DENND1A: variants seen among roughly 807,000 people sequenced by gnomAD.
DENND1A encodes DENN domain containing 1A.
A neutral mutation model predicts 113.7 loss-of-function variants in DENND1A; 51 were observed. That is an observed-to-expected ratio of 0.45 (90% CI 0.36 to 0.57). DENND1A has a LOEUF of 0.57. Ranked by LOEUF, DENND1A falls within the 20% of genes least tolerant of loss-of-function variation. DENND1A has a pLI of 0.00. For synonymous variants in DENND1A, 565 were observed against 570.8 expected (o/e 0.99, Z 0.14); for missense variants, 1,258 against 1,395.9 (o/e 0.90, Z 1.57).
At chr9:123,445,020 G>A (rs2047197452) in intron 18 of DENND1A, among the ~76,000 whole-genome samples, 2 of 152,118 alleles carry the variant, frequency 1.3e-5, no homozygotes, top group Non-Finnish European at 1.5e-5. Context: ...CCCGTCCCTC[G>A]GTAAAGCAAG....
At chr9:123,500,572 T>C (rs2052386778) in intron 13 of DENND1A, among the ~76,000 whole-genome samples, 1 of 152,210 alleles carries the variant, frequency 6.6e-6, no homozygotes, top group African/African-American at 2.4e-5. Flanking sequence ...CTCTCTCAAA[T>C]GGAGTTAATC....
intron 19 of DENND1A, among the ~76,000 whole-genome samples, chr9:123,434,718 T>C (rs1236758915): frequency 6.6e-6 from 1 of 152,122 alleles, no homozygotes; most frequent in Non-Finnish European, 1.5e-5. Context: ...GGAGGCCTGC[T>C]CTGGGATTGG....
chr9:123,632,241 G>A (rs754907835), intron 9 of DENND1A, among the ~76,000 whole-genome samples: 1 of 151,898 alleles, frequency 6.6e-6, no homozygotes, highest in African/African-American at 2.4e-5. Context: ...CTTGAGCCAG[G>A]TCCATGCCAT....
intron 10 of DENND1A, among the ~76,000 whole-genome samples, chr9:123,620,511 T>C (rs911164158): frequency 2.0e-5 from 3 of 152,182 alleles, no homozygotes; most frequent in African/African-American, 7.2e-5. Flanking sequence ...GTCACATCTT[T>C]AGTAGGACCA....
chr9:123,451,193 G>C (rs898174811), intron 17 of DENND1A, among the ~76,000 whole-genome samples: 1 of 152,178 alleles, frequency 6.6e-6, no homozygotes, highest in African/African-American at 2.4e-5. Flanking sequence ...GGTTTCTACA[G>C]TGCCATTTCC....
chr9:123,453,951 G>T (rs750590449), intron 16 of DENND1A, among the ~76,000 whole-genome samples: 1 of 152,188 alleles, frequency 6.6e-6, no homozygotes, highest in Non-Finnish European at 1.5e-5. Flanking sequence ...CAAGTGCTGT[G>T]TTTGGCCATA....
chr9:123,524,737 GCTGT>G (rs1184019720), intron 13 of DENND1A, among the ~76,000 whole-genome samples: 1 of 152,220 alleles, frequency 6.6e-6, no homozygotes, highest in East Asian at 1.9e-4. Flanking sequence ...AACAGTTGAG[GCTGT>G]CTTTCAAGAG....
chr9:123,556,117 T>C (rs1200885072), intron 13 of DENND1A, among the ~76,000 whole-genome samples: 2 of 152,348 alleles, frequency 1.3e-5, no homozygotes, highest in East Asian at 1.9e-4. Flanking sequence ...TATCAAGAAC[T>C]GGCTTTAAGC....
At chr9:123,761,020 T>C (rs12237501) in intron 4 of DENND1A, among the ~76,000 whole-genome samples, 10,869 of 152,196 alleles carry the variant, frequency 0.071, 542 homozygotes, top group African/African-American at 0.14. Flanking sequence ...AGGGTATCGA[T>C]AGGACTCGAT....
intron 5 of DENND1A, among the ~76,000 whole-genome samples, chr9:123,708,391 T>C (rs985409235): frequency 1.3e-5 from 2 of 152,178 alleles, no homozygotes; most frequent in African/African-American, 4.8e-5. Flanking sequence ...ATTATACCTA[T>C]ATTAATTACA....
At chr9:123,797,089 A>G (rs777631069) in intron 2 of DENND1A, among the ~76,000 whole-genome samples, 2 of 152,154 alleles carry the variant, frequency 1.3e-5, no homozygotes, top group Non-Finnish European at 1.5e-5. Context: ...AATTTACCCA[A>G]TCATTATCTC....
At chr9:123,703,586 G>C (rs899745233) in intron 5 of DENND1A, among the ~76,000 whole-genome samples, 2 of 152,034 alleles carry the variant, frequency 1.3e-5, no homozygotes, top group African/African-American at 4.8e-5. Context: ...AAGAAAGAAA[G>C]GACCTAGAAA....
chr9:123,749,893 G>C (rs116317036), intron 5 of DENND1A, among the ~76,000 whole-genome samples: 112 of 152,296 alleles, frequency 7.4e-4, no homozygotes, highest in African/African-American at 2.6e-3. Context: ...CACATCTCTT[G>C]TAAGGTTTAG....
At chr9:123,419,754 T>C (rs545925547) in intron 19 of DENND1A, among the ~76,000 whole-genome samples, 1 of 152,380 alleles carries the variant, frequency 6.6e-6, no homozygotes, top group African/African-American at 2.4e-5. Context: ...GATATTTTTG[T>C]GGAGTGTCTC....
At chr9:123,636,079 T>TGTCTTTAA (rs2061684743) in intron 9 of DENND1A, among the ~76,000 whole-genome samples, 1 of 152,214 alleles carries the variant, frequency 6.6e-6, no homozygotes, top group South Asian at 2.1e-4. Context: ...AATCAGGGTC[T>TGTCTTTAA]GTCTTTAAGC....
chr9:123,491,737 C>G (rs2051393358), intron 13 of DENND1A: 1 of 152,290 alleles, frequency 6.6e-6, no homozygotes, highest in African/African-American at 2.4e-5. Context: ...CCCTAGATCT[C>G]TCCAGCACTC....
intron 2 of DENND1A, among the ~76,000 whole-genome samples, chr9:123,842,435 C>T (rs1841965821): frequency 6.6e-6 from 1 of 151,846 alleles, no homozygotes; most frequent in East Asian, 1.9e-4. Context: ...TGTTACAGCT[C>T]TTTCAGAATT....
At chr9:123,439,426 T>C (rs1357549376) in intron 19 of DENND1A, among the ~76,000 whole-genome samples, 1 of 152,206 alleles carries the variant, frequency 6.6e-6, no homozygotes, top group Non-Finnish European at 1.5e-5. Flanking sequence ...CATTTCTGAA[T>C]AGCTCAATGC....
intron 5 of DENND1A, among the ~76,000 whole-genome samples, chr9:123,722,048 G>A (rs1017447632): frequency 3.3e-5 from 5 of 152,156 alleles, no homozygotes; most frequent in African/African-American, 1.2e-4. Flanking sequence ...GAATGGCTTT[G>A]ACAAAAATGC....
Sources: gnomAD v4.1 joint callset for allele counts (sites outside exome capture counted in the v4.1 genomes callset) on GRCh38, gnomAD v4.1.1 for gene constraint, MANE v1.5 for transcripts, NCBI Gene and HGNC (gene_info 2026-07-23, HGNC 2026-07-21) for gene names.